Variants in OR51B5 observed in about 807,000 individuals in gnomAD.
The protein encoded by OR51B5 is olfactory receptor family 51 subfamily B member 5, also known as olfactory receptor 51B5.
For synonymous variants in OR51B5, 186 were observed against 144.8 expected (o/e 1.28, Z -2.04); for missense variants, 456 against 374.6 (o/e 1.22, Z -1.79).
At chr11:5,478,717 G>A (rs751736365) in intron 1 of OR51B5, among the ~76,000 whole-genome samples, 3,361 of 151,734 alleles carry the variant, frequency 0.022, 66 homozygotes, top group Non-Finnish European at 0.034. Context: ...GAAGAATGCA[G>A]AAGCCTCAGG....
At chr11:5,345,279 C>G (rs1337118683), upstream of OR51B5, among the ~76,000 whole-genome samples, 1 of 151,560 alleles carries the variant, frequency 6.6e-6, no homozygotes, top group Non-Finnish European at 1.5e-5. Context: ...AAGCAAGAGA[C>G]AAGAAAAGAG....
At chr11:5,341,578 C>CCTAA (rs1326952406), downstream of OR51B5, among the ~76,000 whole-genome samples, 55 of 152,232 alleles carry the variant, frequency 3.6e-4, no homozygotes, top group Non-Finnish European at 1.5e-5. Context: ...TGGGTCCCTT[C>CCTAA]CTAACTCATC....
At chr11:5,499,338 A>G (rs567456102) in intron 1 of OR51B5, among the ~76,000 whole-genome samples, 25 of 21,932 alleles carry the variant, frequency 1.1e-3, no homozygotes, top group South Asian at 4.2e-3. Context: ...AACAGGATTT[A>G]TAAATTTGGA....
intron 1 of OR51B5, among the ~76,000 whole-genome samples, chr11:5,350,321 A>G (rs1194169520): frequency 6.6e-6 from 1 of 152,260 alleles, no homozygotes; most frequent in Non-Finnish European, 1.5e-5. Context: ...ATGAAAGTCC[A>G]GTAATCTTGG....
At chr11:5,388,838 C>T (rs1589969134) in intron 1 of OR51B5, among the ~76,000 whole-genome samples, 1 of 151,884 alleles carries the variant, frequency 6.6e-6, no homozygotes, top group Non-Finnish European at 1.5e-5. Context: ...AGTAAACAGA[C>T]TTGAGGTATT....
intron 1 of OR51B5, among the ~76,000 whole-genome samples, chr11:5,355,834 C>A (rs71480752): frequency 1.3e-5 from 2 of 151,888 alleles, no homozygotes; most frequent in Admixed American, 1.3e-4. Context: ...ATGTAATGCC[C>A]TGCTCTGATT....
chr11:5,431,611 C>A (rs2133768939), intron 1 of OR51B5: 1 of 154,896 alleles, frequency 6.5e-6, no homozygotes, highest in South Asian at 2.0e-4. Flanking sequence ...ATGCCACCAA[C>A]AGCAGAGATC....
intron 1 of OR51B5, among the ~76,000 whole-genome samples, chr11:5,420,529 A>T (rs1850317288): frequency 6.6e-6 from 1 of 151,876 alleles, no homozygotes; most frequent in South Asian, 2.1e-4. Context: ...AATCTCTTCC[A>T]TATTTTTATA....
chr11:5,423,271 A>C (rs1850386026), intron 1 of OR51B5: 2 of 1,343,180 alleles, frequency 1.5e-6, no homozygotes, highest in Non-Finnish European at 2.0e-6. Flanking sequence ...CAGTATGACA[A>C]GTCCCTGGCT....
At chr11:5,453,009 C>G (rs1850881220) in intron 1 of OR51B5, among the ~76,000 whole-genome samples, 1 of 136,514 alleles carries the variant, frequency 7.3e-6, no homozygotes. Flanking sequence ...CTGGGAAAGT[C>G]TCTCATTAAT....
rs564219465 is a variant in OR51B5 at position 5,427,665 on chromosome 11, T to C, written n.84+77904A>G. Reference sequence around the variant, plus strand: ...AACTGAATATCTTTGGAAATAATTTTAACTTATCTGACAAATAAAACCAGC... The same window carrying C: ...AACTGAATATCTTTGGAAATAATTTCAACTTATCTGACAAATAAAACCAGC... On this transcript the variant is annotated intron_variant and non_coding_transcript_variant, in intron 1 of 4. Transcript: ENST00000415970. Among the ~76,000 whole-genome samples, 10 of 152,318 alleles carry C rather than the reference T, an allele frequency of 6.6e-5. No homozygotes were observed. The South Asian group carries it at 1.9e-3, about 28-fold the overall frequency.
intron 1 of OR51B5, among the ~76,000 whole-genome samples, chr11:5,470,831 A>G (rs1410792280): frequency 6.6e-6 from 1 of 152,142 alleles, no homozygotes; most frequent in Non-Finnish European, 1.5e-5. Context: ...TTCAACCAAA[A>G]TATCTGCAGA....
At chr11:5,393,160 G>A (rs1046444227) in intron 1 of OR51B5, 3 of 152,024 alleles carry the variant, frequency 2.0e-5, no homozygotes, top group South Asian at 2.1e-4. Context: ...TTTCCTGTTT[G>A]CTCACAGTTC....
chr11:5,469,725 G>A (rs1001520778), intron 1 of OR51B5, among the ~76,000 whole-genome samples: 3 of 152,034 alleles, frequency 2.0e-5, no homozygotes, highest in South Asian at 2.1e-4. Context: ...ATTGGTTGAC[G>A]TCTTTCTCTA....
intron 1 of OR51B5, among the ~76,000 whole-genome samples, chr11:5,426,660 G>GT (rs1325210024): frequency 6.6e-6 from 1 of 152,056 alleles, no homozygotes; most frequent in Non-Finnish European, 1.5e-5. Flanking sequence ...CTACAGTATA[G>GT]TTTTTTGGCA....
intron 1 of OR51B5, among the ~76,000 whole-genome samples, chr11:5,401,964 C>T (rs1031694832): frequency 6.9e-6 from 1 of 144,732 alleles, no homozygotes; most frequent in Admixed American, 7.3e-5. Flanking sequence ...TCTTTCCTTC[C>T]TTCTTTCCTC....
intron 1 of OR51B5, among the ~76,000 whole-genome samples, chr11:5,434,689 T>C (rs530229972): frequency 1.3e-5 from 2 of 152,260 alleles, no homozygotes; most frequent in African/African-American, 4.8e-5. Context: ...AAGGAGACCA[T>C]AGCTCAAAAG....
upstream of OR51B5, among the ~76,000 whole-genome samples, chr11:5,344,083 C>G (rs982857834): frequency 1.1e-4 from 16 of 152,166 alleles, no homozygotes; most frequent in African/African-American, 3.6e-4. Flanking sequence ...AAGGAGCAGT[C>G]AGATTGAGAA....
chr11:5,469,928 C>A (rs1851201456), intron 1 of OR51B5, among the ~76,000 whole-genome samples: 1 of 152,120 alleles, frequency 6.6e-6, no homozygotes, highest in African/African-American at 2.4e-5. Context: ...TATACTCAAG[C>A]ATTATTTCAG....
Sources: gnomAD v4.1 joint callset for allele counts (sites outside exome capture counted in the v4.1 genomes callset) on GRCh38, gnomAD v4.1.1 for gene constraint, MANE v1.5 for transcripts, NCBI Gene and HGNC (gene_info 2026-07-23, HGNC 2026-07-21) for gene names.